FBXL2: variants seen among roughly 807,000 people sequenced by gnomAD.
FBXL2 encodes the protein F-box/LRR-repeat protein 2.
FBXL2 carries 38 observed loss-of-function variants against 69.2 expected under a neutral mutation model. That is an observed-to-expected ratio of 0.55 (90% CI 0.42 to 0.72). FBXL2 has a LOEUF of 0.72. FBXL2 is among the 30% of genes least tolerant of loss of function. FBXL2 has a pLI of 0.00. For synonymous variants in FBXL2, 192 were observed against 201.3 expected (o/e 0.95, Z 0.39); for missense variants, 354 against 520.3 (o/e 0.68, Z 3.11).
At chr3:33,335,344 T>C (rs992200778) in intron 2 of FBXL2, among the ~76,000 whole-genome samples, 1 of 152,116 alleles carries the variant, frequency 6.6e-6, no homozygotes, top group African/African-American at 2.4e-5. Flanking sequence ...AAATGCTAAG[T>C]ATGTGATAAA....
At chr3:33,408,141 C>T (rs1267375411), downstream of FBXL2, among the ~76,000 whole-genome samples, 1 of 151,850 alleles carries the variant, frequency 6.6e-6, no homozygotes, top group Non-Finnish European at 1.5e-5. Context: ...ACCAGTGCTG[C>T]CAAACAGGCT....
At chr3:33,369,408 A>G (rs1370628315) in intron 5 of FBXL2, among the ~76,000 whole-genome samples, 1 of 151,998 alleles carries the variant, frequency 6.6e-6, no homozygotes, top group Non-Finnish European at 1.5e-5. Flanking sequence ...TCATTTCTAT[A>G]GCTCTTCATA....
At chr3:33,379,507 A>G (rs1207771595) in intron 13 of FBXL2, among the ~76,000 whole-genome samples, 1 of 149,832 alleles carries the variant, frequency 6.7e-6, no homozygotes, top group South Asian at 2.1e-4. Flanking sequence ...GGCGTGCACC[A>G]CCACGCCCAG....
At chr3:33,298,041 G>A (rs983699513) in intron 2 of FBXL2, 1 of 321,908 alleles carries the variant, frequency 3.1e-6, no homozygotes, top group Non-Finnish European at 5.9e-6. Context: ...GTAATATGAG[G>A]AGACATTATT....
At chr3:33,341,429 T>C (rs947599405) in intron 2 of FBXL2, among the ~76,000 whole-genome samples, 1 of 152,060 alleles carries the variant, frequency 6.6e-6, no homozygotes, top group Non-Finnish European at 1.5e-5. Context: ...CTATAATGTT[T>C]AGAGATGATA....
the FBXL2 span, among the ~76,000 whole-genome samples, chr3:33,410,044 A>G: frequency 6.6e-6 from 1 of 152,274 alleles, no homozygotes. Context: ...CCAGCCAACT[A>G]TCTTACTGCT....
intron 2 of FBXL2, among the ~76,000 whole-genome samples, chr3:33,328,875 A>T (rs1219874903): frequency 2.0e-5 from 3 of 151,962 alleles, no homozygotes; most frequent in Admixed American, 2.0e-4. Flanking sequence ...AAAAATAGAC[A>T]ATTGGGATTA....
intron 1 of FBXL2, among the ~76,000 whole-genome samples, chr3:33,289,169 G>T (rs1411571916): frequency 1.3e-5 from 2 of 151,702 alleles, no homozygotes; most frequent in Non-Finnish European, 2.9e-5. Flanking sequence ...ACTAAATACT[G>T]AGAGGTTAAA....
At chr3:33,369,086 C>T (rs192888412) in intron 5 of FBXL2, among the ~76,000 whole-genome samples, 4 of 147,528 alleles carry the variant, frequency 2.7e-5, no homozygotes, top group African/African-American at 1.0e-4. Flanking sequence ...GGGTCTTGCT[C>T]TGTTGCCCAG....
At chr3:33,340,721 G>C (rs547942726) in intron 2 of FBXL2, among the ~76,000 whole-genome samples, 2 of 151,080 alleles carry the variant, frequency 1.3e-5, no homozygotes. Context: ...GTGAAACCCC[G>C]TCTCTACTAA....
intron 2 of FBXL2, among the ~76,000 whole-genome samples, chr3:33,339,279 A>T (rs1330008503): frequency 6.6e-6 from 1 of 152,184 alleles, no homozygotes; most frequent in Admixed American, 6.5e-5. Flanking sequence ...CAAAAAACAG[A>T]TGCTGATGAG....
intron 1 of FBXL2, among the ~76,000 whole-genome samples, chr3:33,296,399 A>G (rs982690545): frequency 7.2e-5 from 11 of 151,926 alleles, no homozygotes; most frequent in African/African-American, 2.2e-4. Flanking sequence ...CAGTTTATCA[A>G]TTTTTTTTGG....
chr3:33,338,675 G>T (rs112612899), intron 2 of FBXL2, among the ~76,000 whole-genome samples: 11,731 of 152,188 alleles, frequency 0.077, 521 homozygotes, highest in Admixed American at 0.098. Flanking sequence ...AAGCAATGGG[G>T]AAAGGATTCC....
chr3:33,294,658 G>A (rs935373653), intron 1 of FBXL2, among the ~76,000 whole-genome samples: 2 of 152,126 alleles, frequency 1.3e-5, no homozygotes, highest in African/African-American at 2.4e-5. Context: ...GGGCAACATA[G>A]GGAGATCCTA....
chr3:33,307,670 A>G (rs2036839160), intron 2 of FBXL2, among the ~76,000 whole-genome samples: 1 of 151,998 alleles, frequency 6.6e-6, no homozygotes, highest in Admixed American at 6.6e-5. Context: ...CCTACTCTCA[A>G]ACATTTCAGA....
At chr3:33,382,611 G>C (rs957697470) in intron 13 of FBXL2, 1 of 152,030 alleles carries the variant, frequency 6.6e-6, no homozygotes, top group Non-Finnish European at 1.5e-5. Flanking sequence ...GAATATTTGA[G>C]TACTGCTTCT....
intron 1 of FBXL2, among the ~76,000 whole-genome samples, chr3:33,282,315 A>G (rs1313816781): frequency 6.6e-6 from 1 of 152,126 alleles, no homozygotes; most frequent in African/African-American, 2.4e-5. Context: ...TCCTTTCCCC[A>G]TTTCTTATTT....
intron 13 of FBXL2, among the ~76,000 whole-genome samples, chr3:33,380,571 AAAAG>A (rs1459581050): frequency 6.6e-6 from 1 of 151,844 alleles, no homozygotes; most frequent in Admixed American, 6.6e-5. Context: ...AAAAAAAAAA[AAAAG>A]TACCAGGAAT....
At chr3:33,408,330 A>T (rs1217663249), downstream of FBXL2, among the ~76,000 whole-genome samples, 1 of 152,166 alleles carries the variant, frequency 6.6e-6, no homozygotes, top group African/African-American at 2.4e-5. Context: ...TAATTTACTA[A>T]AGAAAGTATT....
Sources: allele counts gnomAD v4.1 joint callset (sites outside exome capture counted in the v4.1 genomes callset), GRCh38; gene constraint gnomAD v4.1.1; transcripts MANE v1.5; gene names NCBI Gene and HGNC (gene_info 2026-07-23, HGNC 2026-07-21).